POU3F3: variants seen among roughly 807,000 people sequenced by gnomAD.
POU3F3 encodes the protein POU class 3 homeobox 3, also known as POU domain, class 3, transcription factor 3.
In POU3F3, 1 loss-of-function variant was observed where a neutral mutation model predicts 8.6. That is an observed-to-expected ratio of 0.12 (90% CI 0.04 to 0.55). The LOEUF (loss-of-function observed/expected upper bound fraction) is 0.55. Among genes scored for constraint, POU3F3 ranks in the 20% least tolerant of loss-of-function variants. The pLI is 0.91. For missense variants in POU3F3, 577 were observed against 690.7 expected, an observed-to-expected ratio of 0.84 and a Z score of 1.84; for synonymous variants, 418 against 327.4, an observed-to-expected ratio of 1.28 and a Z score of -2.99.
At chr2:104,924,118 C>T in the POU3F3 span, among the ~76,000 whole-genome samples, 1 of 151,990 alleles carries the variant, frequency 6.6e-6, no homozygotes, top group African/African-American at 2.4e-5. Flanking sequence ...GAACTATGCA[C>T]CTAAAAATGG....
At chr2:104,870,844 T>A in the POU3F3 span, among the ~76,000 whole-genome samples, 2 of 152,268 alleles carry the variant, frequency 1.3e-5, no homozygotes, top group South Asian at 4.1e-4. Flanking sequence ...GGTTGGCAAA[T>A]CATCTTCAGT....
At chr2:104,901,330 A>G in the POU3F3 span, among the ~76,000 whole-genome samples, 1 of 152,212 alleles carries the variant, frequency 6.6e-6, no homozygotes, top group Non-Finnish European at 1.5e-5. Context: ...AATCAGTCCA[A>G]TATCAATATA....
At chr2:104,881,121 A>ACTTT in the POU3F3 span, among the ~76,000 whole-genome samples, 50,139 of 142,026 alleles carry the variant, frequency 0.35, 9,044 homozygotes, top group East Asian at 0.59. Flanking sequence ...TTTATTTCTT[A>ACTTT]CTTTCTTTCT....
At chr2:104,878,447 GA>G in the POU3F3 span, among the ~76,000 whole-genome samples, 635 of 152,282 alleles carry the variant, frequency 4.2e-3, 3 homozygotes, top group African/African-American at 0.014. Flanking sequence ...AGGCTGTAAT[GA>G]AATAATTAAA....
the POU3F3 span, among the ~76,000 whole-genome samples, chr2:104,906,366 T>C: frequency 6.6e-6 from 1 of 152,214 alleles, no homozygotes; most frequent in Admixed American, 6.5e-5. Flanking sequence ...GTCCATTGGA[T>C]CTATTAATCT....
upstream of POU3F3, among the ~76,000 whole-genome samples, chr2:104,854,003 C>G (rs1204033546): frequency 6.6e-6 from 1 of 152,192 alleles, no homozygotes; most frequent in Non-Finnish European, 1.5e-5. The surrounding 1 kb of genome is among the most constrained non-coding windows in gnomAD (Gnocchi z 4.5). Flanking sequence ...GCCAGTCATT[C>G]CGAGCCTGCC....
the POU3F3 span, among the ~76,000 whole-genome samples, chr2:104,887,542 G>A: frequency 2.0e-5 from 3 of 152,332 alleles, no homozygotes; most frequent in South Asian, 6.2e-4. Context: ...GCGTCTACCA[G>A]TGTGGGGTGA....
chr2:104,926,404 G>A, the POU3F3 span, among the ~76,000 whole-genome samples: 1,354 of 152,266 alleles, frequency 8.9e-3, 35 homozygotes, highest in Non-Finnish European at 7.1e-3. Context: ...ACCACAATGA[G>A]ATACCATCTC....
At chr2:104,865,592 T>C in the POU3F3 span, 4 of 152,226 alleles carry the variant, frequency 2.6e-5, no homozygotes, top group African/African-American at 9.7e-5. Flanking sequence ...GGCAAGCCCA[T>C]TAAGTCGGCT....
chr2:104,890,235 G>T, the POU3F3 span, among the ~76,000 whole-genome samples: 1 of 152,132 alleles, frequency 6.6e-6, no homozygotes, highest in Non-Finnish European at 1.5e-5. Flanking sequence ...TCCTGGTTGG[G>T]GACCTGGGAT....
chr2:104,861,630 G>GA (rs1279645797), downstream of POU3F3, among the ~76,000 whole-genome samples: 120 of 152,348 alleles, frequency 7.9e-4, no homozygotes, highest in African/African-American at 2.6e-3. Context: ...AAAAAAATTA[G>GA]ATGATCTATA....
chr2:104,880,465 T>C, the POU3F3 span, among the ~76,000 whole-genome samples: 1 of 152,132 alleles, frequency 6.6e-6, no homozygotes, highest in South Asian at 2.1e-4. Flanking sequence ...GTCCCCACCA[T>C]GCTCACAAAT....
rs1324719901 is a variant in POU3F3 at position 104,855,586 on chromosome 2, G to A, written c.76G>A (p.Ala26Thr). ...LAAGSIVHSD[A>T]AGAGGGGGGG... ...GGCCGGCTCTATTGTGCACTCGGAC[G>A]CGGCAGGGGCTGGCGGCGGCGGGGG... is the stretch of plus-strand genomic sequence containing the variant. Residue 26 changes from alanine (A) to threonine (T), a missense_variant, in exon 1 of 1, where the codon GCG (alanine) becomes ACG (threonine). This residue lies in a region of POU3F3 where 484 missense variants were observed against 422.6 expected (regional missense o/e 1.15). Coordinates refer to ENST00000361360, the MANE Select transcript of POU3F3 (RefSeq NM_006236.3). The A allele has an allele frequency of 1.0e-6, 1 of 991,808 alleles. No individual in the cohort carries two copies. The allele number at this position is 991,808 out of a possible 1,614,324, so 61.4% of individuals were successfully genotyped here. A position where few individuals can be genotyped will look rare whatever the true frequency, so the allele number is the denominator to read the frequency against.
At chr2:104,919,779 T>TCCTTC in the POU3F3 span, among the ~76,000 whole-genome samples, 1 of 151,796 alleles carries the variant, frequency 6.6e-6, no homozygotes, top group Non-Finnish European at 1.5e-5. Context: ...CTCCCTTGTC[T>TCCTTC]CCTTCCCTTC....
chr2:104,868,254 T>C, the POU3F3 span: 3 of 456,272 alleles, frequency 6.6e-6, no homozygotes, highest in Non-Finnish European at 8.8e-6. Context: ...GGAGTGGGGC[T>C]CAGCGCAGAG....
At chr2:104,873,526 C>T in the POU3F3 span, among the ~76,000 whole-genome samples, 2 of 152,190 alleles carry the variant, frequency 1.3e-5, no homozygotes, top group East Asian at 1.9e-4. Context: ...GCCCCGCGCG[C>T]GCACTCGCAC....
the POU3F3 span, among the ~76,000 whole-genome samples, chr2:104,926,950 G>A: frequency 6.6e-6 from 1 of 152,082 alleles, no homozygotes; most frequent in East Asian, 1.9e-4. Flanking sequence ...ACTGGGGCCT[G>A]TCAGGGGGTG....
the POU3F3 span, among the ~76,000 whole-genome samples, chr2:104,880,557 C>G: frequency 6.6e-6 from 1 of 152,208 alleles, no homozygotes; most frequent in South Asian, 2.1e-4. Flanking sequence ...TTGCTGGTGA[C>G]TGCCTCCCTG....
At chr2:104,897,177 G>A in the POU3F3 span, among the ~76,000 whole-genome samples, 2 of 152,188 alleles carry the variant, frequency 1.3e-5, no homozygotes, top group Non-Finnish European at 2.9e-5. Flanking sequence ...GAGTTGAAAG[G>A]ACCTGACTTT....
Sources: gnomAD v4.1 joint callset for allele counts (sites outside exome capture counted in the v4.1 genomes callset) on GRCh38, gnomAD v4.1.1 for gene constraint, gnomAD v4.1.1 regional missense constraint, Gnocchi (gnomAD v3.1) non-coding constraint, MANE v1.5 for transcripts, NCBI Gene and HGNC (gene_info 2026-07-23, HGNC 2026-07-21) for gene names.